Variants in NRP1 observed in about 807,000 individuals in gnomAD.
The protein encoded by NRP1 is neuropilin-1.
Under a neutral mutation model 106.7 loss-of-function variants are expected in NRP1, and 35 were observed. The ratio of observed to expected loss-of-function variants is 0.33; its 90% CI spans 0.25 to 0.43. NRP1 has a LOEUF of 0.43. NRP1 is among the 20% of genes least tolerant of loss of function. The probability of loss-of-function intolerance (pLI) is 1.00; values close to 1 mark genes in which losing one functional copy is unlikely to be tolerated. For synonymous variants in NRP1, 437 were observed against 417.9 expected (o/e 1.05, Z -0.56); for missense variants, 1,024 against 1,170.4 (o/e 0.87, Z 1.83).
At chr10:33,286,496 C>T (rs773945393) in intron 2 of NRP1, among the ~76,000 whole-genome samples, 14 of 152,250 alleles carry the variant, frequency 9.2e-5, no homozygotes, top group Non-Finnish European at 1.6e-4. Flanking sequence ...ATAATCCCAT[C>T]ATTCTTTGGA....
chr10:33,333,916 C>G (rs1848450237), intron 1 of NRP1, among the ~76,000 whole-genome samples: 1 of 152,134 alleles, frequency 6.6e-6, no homozygotes, highest in Admixed American at 6.6e-5. Context: ...GCAAAGGAAC[C>G]AGGAAGTAAG....
chr10:33,245,546 G>A (rs1841354693), intron 6 of NRP1, among the ~76,000 whole-genome samples: 1 of 152,174 alleles, frequency 6.6e-6, no homozygotes. Flanking sequence ...AAATAAGTAG[G>A]GATAGGCTGG....
At chr10:33,327,066 A>C (rs573105680) in intron 2 of NRP1, among the ~76,000 whole-genome samples, 82 of 152,340 alleles carry the variant, frequency 5.4e-4, no homozygotes, top group African/African-American at 1.8e-3. Flanking sequence ...GATGTTTCAC[A>C]ATAAGCAAAT....
At chr10:33,239,128 A>G (rs925654839) in intron 6 of NRP1, among the ~76,000 whole-genome samples, 15 of 152,012 alleles carry the variant, frequency 9.9e-5, no homozygotes, top group African/African-American at 3.6e-4. Context: ...CTGTCTCTAC[A>G]AAATATAAGA....
intron 2 of NRP1, among the ~76,000 whole-genome samples, chr10:33,322,831 TAATAA>T (rs1431670514): frequency 1.3e-5 from 2 of 152,254 alleles, no homozygotes; most frequent in Non-Finnish European, 2.9e-5. Flanking sequence ...GAGAACTTGT[TAATAA>T]AAGAGTTGCT....
At chr10:33,215,320 T>A (rs1277403965) in intron 8 of NRP1, among the ~76,000 whole-genome samples, 1 of 152,234 alleles carries the variant, frequency 6.6e-6, no homozygotes, top group Admixed American at 6.5e-5. Context: ...AAATATGATG[T>A]AAGTAGCACA....
intron 6 of NRP1, chr10:33,249,403 G>T: frequency 2.0e-6 from 1 of 506,660 alleles, no homozygotes. Flanking sequence ...GATTGAGAGA[G>T]CCTGAATGGA....
intron 16 of NRP1, among the ~76,000 whole-genome samples, chr10:33,181,977 T>C (rs1835715953): frequency 6.6e-6 from 1 of 152,036 alleles, no homozygotes; most frequent in Non-Finnish European, 1.5e-5. Context: ...TGTGGGCCTG[T>C]AGTCTGCTCG....
At position 33,215,199 on chromosome 10, in the gene NRP1, T is replaced by C. The variant is rs146195954; in HGVS notation, c.1283-1482A>G. Among the ~76,000 whole-genome samples, 63 of 152,326 alleles carry C rather than the reference T, an allele frequency of 4.1e-4. No individual in the cohort carries two copies. In the East Asian group the frequency reaches 0.012, roughly 28 times the overall value. ...TCTCAGTTAAGCAATTCTCTTCTCA[T>C]ACAGTCTAGACGTCATCCTCATCAT... On this transcript the variant is annotated intron_variant, in intron 8 of 16. Coordinates refer to ENST00000374867, the MANE Select transcript of NRP1 (RefSeq NM_003873.7).
chr10:33,295,094 C>G (rs1180585947), intron 2 of NRP1, among the ~76,000 whole-genome samples: 1 of 152,184 alleles, frequency 6.6e-6, no homozygotes, highest in Non-Finnish European at 1.5e-5. Context: ...AGCACCTAGA[C>G]AGGTACCATA....
At chr10:33,191,742 G>A (rs1208239130) in intron 13 of NRP1, among the ~76,000 whole-genome samples, 2 of 152,142 alleles carry the variant, frequency 1.3e-5, no homozygotes, top group Non-Finnish European at 2.9e-5. Context: ...ACTTTGGGAA[G>A]CTGAGGTGGG....
intron 2 of NRP1, among the ~76,000 whole-genome samples, chr10:33,291,957 G>A (rs1223828415): frequency 1.3e-5 from 2 of 152,232 alleles, no homozygotes; most frequent in Admixed American, 1.3e-4. Context: ...AGGCTGGAGT[G>A]CAGTGGTGCA....
chr10:33,225,414 G>GTGTTTTGCTCA (rs1839581889), intron 7 of NRP1, among the ~76,000 whole-genome samples: 1 of 152,140 alleles, frequency 6.6e-6, no homozygotes, highest in African/African-American at 2.4e-5. Flanking sequence ...CAGCCTCCAG[G>GTGTTTTGCTCA]GCAAGCTTTT....
intron 2 of NRP1, among the ~76,000 whole-genome samples, chr10:33,299,568 C>T (rs1238552272): frequency 1.3e-5 from 2 of 152,118 alleles, no homozygotes; most frequent in Non-Finnish European, 2.9e-5. Context: ...TGCTTGCGGC[C>T]AGGAGGTCAA....
intron 6 of NRP1, among the ~76,000 whole-genome samples, chr10:33,247,780 T>A (rs2133122104): frequency 6.6e-6 from 1 of 152,304 alleles, no homozygotes; most frequent in African/African-American, 2.4e-5. Context: ...TGACTTCTCC[T>A]TCTGTGCCTG....
chr10:33,293,123 A>G (rs1176180492), intron 2 of NRP1, among the ~76,000 whole-genome samples: 1 of 152,250 alleles, frequency 6.6e-6, no homozygotes, highest in African/African-American at 2.4e-5. Flanking sequence ...TGAGATCATG[A>G]ATACTAAAAT....
intron 2 of NRP1, among the ~76,000 whole-genome samples, chr10:33,323,875 G>A (rs1402464521): frequency 6.6e-6 from 1 of 152,104 alleles, no homozygotes; most frequent in Non-Finnish European, 1.5e-5. Flanking sequence ...GTTTTATGCT[G>A]GAAAGAAAGG....
chr10:33,277,516 G>C (rs1040851773), intron 2 of NRP1, among the ~76,000 whole-genome samples: 1 of 152,256 alleles, frequency 6.6e-6, no homozygotes, highest in Admixed American at 6.5e-5. Context: ...CCACCAGCCT[G>C]AGTGGCAATG....
intron 2 of NRP1, among the ~76,000 whole-genome samples, chr10:33,291,417 A>T (rs1275854873): frequency 6.6e-6 from 1 of 152,162 alleles, no homozygotes; most frequent in East Asian, 1.9e-4. Flanking sequence ...AGCAGCTCTG[A>T]CTCTGAAGAA....
Sources: gnomAD v4.1 joint callset for allele counts (sites outside exome capture counted in the v4.1 genomes callset) on GRCh38, gnomAD v4.1.1 for gene constraint, MANE v1.5 for transcripts, NCBI Gene and HGNC (gene_info 2026-07-23, HGNC 2026-07-21) for gene names.